RASGEF1C: variants seen among roughly 807,000 people sequenced by gnomAD.
The protein encoded by RASGEF1C is RasGEF domain family member 1C, also known as ras-GEF domain-containing family member 1C.
RASGEF1C carries 27 observed loss-of-function variants against 58.1 expected under a neutral mutation model. That is an observed-to-expected ratio of 0.46 (90% CI 0.34 to 0.64). The LOEUF is 0.64. RASGEF1C is among the 30% of genes least tolerant of loss of function. RASGEF1C has a pLI of 0.01. For synonymous variants in RASGEF1C, 243 were observed against 246.3 expected, an observed-to-expected ratio of 0.99 and a Z score of 0.13; for missense variants, 502 against 605.1, an observed-to-expected ratio of 0.83 and a Z score of 1.79.
At chr5:180,114,591 G>C in intron 10 of RASGEF1C, 50 bp from the exon 11 acceptor site, 2 of 1,559,564 alleles carry the variant, frequency 1.3e-6, no homozygotes, top group Non-Finnish European at 1.7e-6. Flanking sequence ...CCACACAGCG[G>C]GCTCCAGGAC....
At chr5:180,181,893 G>A (rs1482640583) in intron 1 of RASGEF1C, among the ~76,000 whole-genome samples, 1 of 152,142 alleles carries the variant, frequency 6.6e-6, no homozygotes, top group Non-Finnish European at 1.5e-5. Flanking sequence ...TTGGTTTGTG[G>A]TCTCGCTGAC....
At chr5:180,190,919 C>T (rs903188926) in intron 1 of RASGEF1C, among the ~76,000 whole-genome samples, 3 of 152,050 alleles carry the variant, frequency 2.0e-5, no homozygotes, top group Non-Finnish European at 4.4e-5. Flanking sequence ...TTATAGATTA[C>T]CTATTTGATG....
intron 1 of RASGEF1C, chr5:180,138,324 C>T: frequency 2.8e-6 from 1 of 354,756 alleles, no homozygotes; most frequent in Non-Finnish European, 5.1e-6. Flanking sequence ...CACTCAGGGG[C>T]AGGCCTCTTC....
intron 1 of RASGEF1C, among the ~76,000 whole-genome samples, chr5:180,199,329 G>A (rs975525154): frequency 6.6e-6 from 1 of 152,158 alleles, no homozygotes; most frequent in Non-Finnish European, 1.5e-5. Context: ...TAGATTAAAG[G>A]GATCAAAAAG....
intron 1 of RASGEF1C, among the ~76,000 whole-genome samples, chr5:180,202,736 G>GCT (rs1411318469): frequency 1.4e-5 from 2 of 145,188 alleles, no homozygotes; most frequent in Admixed American, 7.1e-5. Flanking sequence ...ACGGAGTCTC[G>GCT]CTGTCGCCCA....
At chr5:180,121,317 C>T (rs1251961193) in intron 6 of RASGEF1C, among the ~76,000 whole-genome samples, 168 bp from the exon 7 acceptor site, 1 of 138,336 alleles carries the variant, frequency 7.2e-6, no homozygotes, top group East Asian at 2.0e-4. Context: ...CTTAAAAGTA[C>T]ATTTTTTTTT....
chr5:180,171,078 G>A (rs372555631), intron 1 of RASGEF1C, among the ~76,000 whole-genome samples: 2 of 152,144 alleles, frequency 1.3e-5, no homozygotes, highest in African/African-American at 2.4e-5. Context: ...TGTGAGACGC[G>A]TGCAGCCAGG....
intron 1 of RASGEF1C, among the ~76,000 whole-genome samples, chr5:180,142,340 T>C (rs1581105409): frequency 6.6e-6 from 1 of 152,176 alleles, no homozygotes; most frequent in Non-Finnish European, 1.5e-5. Flanking sequence ...GGCAGCCCCT[T>C]ACACACCACT....
chr5:180,111,204 CTG>C, intron 12 of RASGEF1C, among the ~76,000 whole-genome samples: 1 of 152,162 alleles, frequency 6.6e-6, no homozygotes, highest in East Asian at 1.9e-4. Flanking sequence ...GGTGTCCAAA[CTG>C]TGTCCGGGGA....
At chr5:180,106,077 AACTT>A (rs1765870554) in intron 12 of RASGEF1C, among the ~76,000 whole-genome samples, 2 of 152,232 alleles carry the variant, frequency 1.3e-5, no homozygotes, top group Non-Finnish European at 2.9e-5. Flanking sequence ...CACAATTCAA[AACTT>A]ATGAATTATT....
chr5:180,125,715 G>A (rs1410187826), intron 6 of RASGEF1C, among the ~76,000 whole-genome samples: 3 of 152,048 alleles, frequency 2.0e-5, no homozygotes, highest in Non-Finnish European at 4.4e-5. Flanking sequence ...CCGGGAGGTG[G>A]AGGTTGCAAT....
rs1766623455 is a variant in RASGEF1C, at chr5:180,143,868, A to T, written c.-6-5810T>A. Reference sequence around the variant, plus strand: ...TCCATCGAACTTGCAGAAGAAAAGCAGGTGGCTGGTCAGAGCGCGTCCTGG... The same window carrying T: ...TCCATCGAACTTGCAGAAGAAAAGCTGGTGGCTGGTCAGAGCGCGTCCTGG... On this transcript the variant is annotated intron_variant, in intron 1 of 13. Coordinates refer to ENST00000361132, the MANE Select transcript of RASGEF1C (RefSeq NM_175062.4). The surrounding 1 kb of genome is among the most constrained non-coding windows in gnomAD (Gnocchi z 4.3). 6.6e-6 allele frequency among the ~76,000 whole-genome samples: 1 copy of T among 152,176 alleles called. No homozygotes were observed. Among genetic ancestry groups the T allele is most frequent in the Admixed American group, 6.5e-5 (1 of 15,280 alleles).
At chr5:180,144,349 G>A (rs1002551976) in intron 1 of RASGEF1C, among the ~76,000 whole-genome samples, 1 of 152,168 alleles carries the variant, frequency 6.6e-6, no homozygotes, top group Non-Finnish European at 1.5e-5. Context: ...AGGCTGTGGT[G>A]GGTCCACGGC....
chr5:180,129,242 G>T (rs1267792287), intron 4 of RASGEF1C, among the ~76,000 whole-genome samples: 1 of 152,226 alleles, frequency 6.6e-6, no homozygotes, highest in East Asian at 1.9e-4. Context: ...TTTGGACACA[G>T]CCTTCCTTAG....
In RASGEF1C at chr5:180,188,126, T is replaced by C. The variant is rs561238023; in HGVS notation, c.-7+20902A>G. Among the ~76,000 whole-genome samples, 4 of 152,254 alleles carry C rather than the reference T, an allele frequency of 2.6e-5. No homozygotes were observed. The South Asian group carries it at 8.3e-4, about 32-fold the overall frequency. On this transcript the variant is annotated intron_variant, in intron 1 of 13. Transcript: ENST00000361132. Reference sequence around the variant, plus strand: ...TGGATAAATAACTGTGATACAGACATACAATGGAATATATTCAGCCATAAA... The same window carrying C: ...TGGATAAATAACTGTGATACAGACACACAATGGAATATATTCAGCCATAAA...
In RASGEF1C at chr5:180,191,546, C is replaced by T. The variant is rs532109546; in HGVS notation, c.-7+17482G>A. Among the ~76,000 whole-genome samples the T allele has an allele frequency of 7.2e-5, 11 of 152,058 alleles. No homozygotes were observed. In the South Asian group the frequency reaches 1.9e-3, roughly 26 times the overall value. ...TGATTTTTTGTATATTTAGTAGAGA[C>T]GGGATTTCACCGTGTTAGCCAGGAT... is the stretch of plus-strand genomic sequence containing the variant. On this transcript the variant is annotated intron_variant, in intron 1 of 13. Transcript: ENST00000361132.
In RASGEF1C at chr5:180,115,662, T is replaced by C. The variant is rs981759351; in HGVS notation, c.1084-1121A>G. On this transcript the variant is annotated intron_variant, in intron 10 of 13. Coordinates refer to ENST00000361132, the MANE Select transcript of RASGEF1C (RefSeq NM_175062.4). ...CTGCGTGCCTCACTGCTGGGCTATA[T>C]ACAGGGTTACTTTCCATCTTTACAT... 2.0e-5 allele frequency among the ~76,000 whole-genome samples: 3 copies of C among 152,240 alleles called. No homozygotes were observed. The South Asian group carries it at 6.2e-4, about 32-fold the overall frequency.
rs139061980 is a variant in RASGEF1C, at chr5:180,102,113, C to T, written c.1334G>A (p.Ser445Asn). Reference sequence around the variant, plus strand: ...TTCTTTTTCTGTTTGGTTCTCTGGGCTCTCACTTTCGTAAGAAGCCAAATA... The same window carrying T: ...TTCTTTTTCTGTTTGGTTCTCTGGGTTCTCACTTTCGTAAGAAGCCAAATA... ...GLYLASYESE[S>N]PENQTEKERW... Residue 445 changes from serine (S) to asparagine (N), a missense_variant, in exon 13 of 14, where the codon AGC becomes AAC. Transcript: ENST00000361132. The T allele has an allele frequency of 8.1e-6, 13 of 1,602,610 alleles. No homozygotes were observed. The highest frequency in any genetic ancestry group is 9.4e-6 in the Non-Finnish European group (11 of 1,169,672).
chr5:180,107,603 AT>A (rs1765891857), intron 12 of RASGEF1C, among the ~76,000 whole-genome samples: 1 of 151,934 alleles, frequency 6.6e-6, no homozygotes, highest in African/African-American at 2.4e-5. Context: ...AAAAAAATTT[AT>A]TTTTTAATTA....
Sources: allele counts gnomAD v4.1 joint callset (sites outside exome capture counted in the v4.1 genomes callset), GRCh38; gene constraint gnomAD v4.1.1; non-coding constraint Gnocchi (gnomAD v3.1); transcripts MANE v1.5; gene names NCBI Gene and HGNC (gene_info 2026-07-23, HGNC 2026-07-21).